The following TTYH1 variants were observed in gnomAD, a reference collection of about 807,000 sequenced individuals.
The protein encoded by TTYH1 is tweety family member 1, also known as protein tweety homolog 1.
A neutral mutation model predicts 61.2 loss-of-function variants in TTYH1; 33 were observed. The ratio of observed to expected loss-of-function variants is 0.54; its 90% CI spans 0.41 to 0.72. The LOEUF (loss-of-function observed/expected upper bound fraction) is 0.72, where lower values mean the gene tolerates loss of function less well. Among genes scored for constraint, TTYH1 ranks in the 30% least tolerant of loss-of-function variants. TTYH1 has a pLI of 0.00. For missense variants in TTYH1, 538 were observed against 575.8 expected, an observed-to-expected ratio of 0.93 and a Z score of 0.67; for synonymous variants, 308 against 266.4, an observed-to-expected ratio of 1.16 and a Z score of -1.52.
In TTYH1 at chr19:54,436,428, C is replaced by T. The variant is rs1371248744; in HGVS notation, c.*138C>T. 2 of 1,586,848 alleles carry T rather than the reference C, an allele frequency of 1.3e-6. No homozygotes were observed. Among genetic ancestry groups the T allele is most frequent in the Non-Finnish European group, 1.7e-6 (2 of 1,155,838 alleles). On this transcript the variant is annotated 3_prime_UTR_variant, in exon 14 of 14. Transcript: ENST00000376530. This position sits in a 1 kb window ranked among gnomAD's most constrained non-coding sequence, Gnocchi z 4.3. ...GCCATGGACAGCCTGCACAGGACCG[C>T]CTCCCTGCTCTTGGCCACTGTGCTC... is the stretch of plus-strand genomic sequence containing the variant.
intron 4 of TTYH1, among the ~76,000 whole-genome samples, chr19:54,425,264 T>C (rs2083301246): frequency 6.6e-6 from 1 of 151,998 alleles, no homozygotes; most frequent in Admixed American, 6.5e-5. Flanking sequence ...ACAGCAGTGG[T>C]GGACGGCGAG....
At chr19:54,430,258 G>A (rs911000424) in intron 7 of TTYH1, among the ~76,000 whole-genome samples, 2 of 152,236 alleles carry the variant, frequency 1.3e-5, no homozygotes, top group African/African-American at 4.8e-5. Context: ...AGGGTCAGGA[G>A]AGGGTGCTCC....
rs764442000 is a variant in TTYH1, at chr19:54,419,236, G to A, written c.235G>A (p.Gly79Arg). The part of the protein sequence containing the change: ...FCCCRPPEPP[G>R]SKIPSPGGGC... ...CTGCTGCCGGCCCCCCGAGCCCCCC[G>A]GGTCCAAGATCCCCTCGCCCGGGGG... The change falls in exon 2 of 14, where the codon GGG (glycine) becomes AGG (arginine). Residue 79 changes from glycine to arginine, a missense_variant. Physicochemically the swap from Gly to Arg is moderately radical, Grantham distance 125. Coordinates refer to ENST00000376530, the MANE Select transcript of TTYH1 (RefSeq NM_020659.4). The surrounding 1 kb of genome is among the most constrained non-coding windows in gnomAD (Gnocchi z 6.1). 98 of 1,609,316 alleles carry A rather than the reference G, an allele frequency of 6.1e-5. No individual in the cohort carries two copies. The highest frequency in any genetic ancestry group is 3.4e-4 in the South Asian group (31 of 91,072).
chr19:54,423,329 C>T (rs1219786021), intron 4 of TTYH1, among the ~76,000 whole-genome samples: 1 of 151,918 alleles, frequency 6.6e-6, no homozygotes, highest in African/African-American at 2.4e-5. Flanking sequence ...TCCCAAGTAG[C>T]TGGCATTACA....
rs1256969401 is a variant in TTYH1 at position 54,420,646 on chromosome 19, C to T, written c.306-631C>T. 1 of 166,566 alleles carries T rather than the reference C, an allele frequency of 6.0e-6. No individual in the cohort carries two copies. Among genetic ancestry groups the T allele is most frequent in the Non-Finnish European group, 1.5e-5 (1 of 68,756 alleles). 10.3% of individuals were successfully genotyped at this position (166,566 alleles called of 1,614,324 possible). A position where few individuals can be genotyped will look rare whatever the true frequency, so the allele number is the denominator to read the frequency against. On this transcript the variant is annotated intron_variant, in intron 2 of 13. Coordinates refer to ENST00000376530, the MANE Select transcript of TTYH1 (RefSeq NM_020659.4). The surrounding 1 kb of genome is among the most constrained non-coding windows in gnomAD (Gnocchi z 4.8). ...GTGGGGGCGGGGGCACGGCTTCTCG[C>T]CCATCCTCCAGCCTCCCTCCCACAT... is the stretch of plus-strand genomic sequence containing the variant.
intron 10 of TTYH1, chr19:54,431,696 T>G (rs1353917227): frequency 5.7e-6 from 1 of 174,618 alleles, no homozygotes; most frequent in Non-Finnish European, 1.2e-5. Context: ...CCCTGCGGCT[T>G]GTGCTGTTCA....
chr19:54,435,116 GC>G (rs2083514785), intron 10 of TTYH1: 1 of 168,088 alleles, frequency 5.9e-6, no homozygotes, highest in Admixed American at 5.9e-5. Flanking sequence ...TGCAGGAGGT[GC>G]CGCTGCCGGG....
rs758683862 is a variant in TTYH1 at position 54,429,840 on chromosome 19, G to C, written c.808-42G>C. On this transcript the variant is annotated intron_variant, in intron 6 of 13. Transcript: ENST00000376530. The surrounding 1 kb of genome is among the most constrained non-coding windows in gnomAD (Gnocchi z 5.1). ...GGGTGCTGTGGGAGTGTGGAATCGG[G>C]GCAGTTTTGGGTTTGAGCCCCTTTT... is the stretch of plus-strand genomic sequence containing the variant. 1 of 1,578,294 alleles carries C rather than the reference G, an allele frequency of 6.3e-7. No individual in the cohort carries two copies. Among genetic ancestry groups the C allele is most frequent in the East Asian group, 2.2e-5 (1 of 44,672 alleles).
chr19:54,420,180 C>T lies in TTYH1; in HGVS notation c.305+874C>T, dbSNP rs1324444403. ...ACGAGCTCTGAGCACAGCCCCCTCC[C>T]CGGCAGGGCAGCACCCACAGGTTGC... is the stretch of plus-strand genomic sequence containing the variant. On this transcript the variant is annotated intron_variant, in intron 2 of 13. Coordinates refer to ENST00000376530, the MANE Select transcript of TTYH1 (RefSeq NM_020659.4). The surrounding 1 kb of genome is among the most constrained non-coding windows in gnomAD (Gnocchi z 4.8). Among the ~76,000 whole-genome samples, 6 of 152,204 alleles carry T rather than the reference C, an allele frequency of 3.9e-5. No individual in the cohort carries two copies. Among genetic ancestry groups the T allele is most frequent in the African/African-American group, 7.2e-5 (3 of 41,454 alleles).
rs530873428 is a variant in TTYH1, at chr19:54,417,487, C to G, written c.127-1641C>G. Among the ~76,000 whole-genome samples, 5 of 152,126 alleles carry G rather than the reference C, an allele frequency of 3.3e-5. No individual in the cohort carries two copies. In the South Asian group the frequency reaches 1.0e-3, roughly 32 times the overall value. Reference sequence around the variant, plus strand: ...CCCACATACAACACACGCATATAGACACATGCATACACTCACATGGATATA... The same window carrying G: ...CCCACATACAACACACGCATATAGAGACATGCATACACTCACATGGATATA... On this transcript the variant is annotated intron_variant, in intron 1 of 13. Coordinates refer to ENST00000376530, the MANE Select transcript of TTYH1 (RefSeq NM_020659.4).
At chr19:54,430,116 C>T (rs1269718162) in intron 7 of TTYH1, among the ~76,000 whole-genome samples, 159 bp downstream of exon 7, 1 of 152,154 alleles carries the variant, frequency 6.6e-6, no homozygotes, top group Non-Finnish European at 1.5e-5. Flanking sequence ...CCTGGCCACT[C>T]CCCAGCTCGG....
At chr19:54,417,253 T>G (rs1360840408) in intron 1 of TTYH1, among the ~76,000 whole-genome samples, 1 of 145,974 alleles carries the variant, frequency 6.9e-6, no homozygotes, top group Non-Finnish European at 1.5e-5. Context: ...CACACACATA[T>G]GCACAGGCAC....
rs2083550061 is a variant in TTYH1, at chr19:54,436,254, G to T, written c.*43-79G>T. 2 of 1,607,998 alleles carry T rather than the reference G, an allele frequency of 1.2e-6. No homozygotes were observed. The highest frequency in any genetic ancestry group is 1.7e-6 in the Non-Finnish European group (2 of 1,175,034). On this transcript the variant is annotated intron_variant, in intron 13 of 13. Coordinates refer to ENST00000376530, the MANE Select transcript of TTYH1 (RefSeq NM_020659.4). The surrounding 1 kb of genome is among the most constrained non-coding windows in gnomAD (Gnocchi z 4.3). ...CTCCGAGCTGCTCCAGGCATGGGCT[G>T]CGTGCCTCCTGCTGGGTGGATCGCA...
intron 1 of TTYH1, among the ~76,000 whole-genome samples, chr19:54,417,813 TACAC>T (rs754903665): frequency 1.2e-3 from 177 of 151,886 alleles, no homozygotes; most frequent in Middle Eastern, 3.4e-3. Context: ...TCCACACTGT[TACAC>T]ACACACAACC....
chr19:54,421,069 C>T lies in TTYH1; in HGVS notation c.306-208C>T, dbSNP rs972078797. 2.0e-5 allele frequency among the ~76,000 whole-genome samples: 3 copies of T among 152,134 alleles called. No homozygotes were observed. The highest frequency in any genetic ancestry group is 2.9e-5 in the Non-Finnish European group (2 of 67,998). Reference sequence around the variant, plus strand: ...CATTAACATCACAATGACGTCCCTCCGCTGGGGGAGTGAGGCCTTCCCGTT... The same window carrying T: ...CATTAACATCACAATGACGTCCCTCTGCTGGGGGAGTGAGGCCTTCCCGTT... On this transcript the variant is annotated intron_variant, in intron 2 of 13. Transcript: ENST00000376530. The surrounding 1 kb of genome is among the most constrained non-coding windows in gnomAD (Gnocchi z 4.8).
At chr19:54,428,964 C>G (rs1193040505) in intron 5 of TTYH1, among the ~76,000 whole-genome samples, 1 of 152,182 alleles carries the variant, frequency 6.6e-6, no homozygotes, top group African/African-American at 2.4e-5. Context: ...AGAGGCTGAT[C>G]AGGCTGTGGG....
rs544485928 is a variant in TTYH1, at chr19:54,434,489, A to C, written c.1126-1053A>C. 2.0e-5 allele frequency: 3 copies of C among 152,004 alleles called. No individual in the cohort carries two copies. The East Asian group carries it at 5.8e-4, about 30-fold the overall frequency. 9.4% of individuals were successfully genotyped at this position (152,004 alleles called of 1,614,324 possible). A position where few individuals can be genotyped will look rare whatever the true frequency, so the allele number is the denominator to read the frequency against. ...CCATCCCTGCTAGTGGGGTTACCCG[A>C]CCTACCCCTGCCCTGCACTGACCCC... On this transcript the variant is annotated intron_variant, in intron 10 of 13. Coordinates refer to ENST00000376530, the MANE Select transcript of TTYH1 (RefSeq NM_020659.4). The surrounding 1 kb of genome is among the most constrained non-coding windows in gnomAD (Gnocchi z 4.3).
Position 54,436,626 on chromosome 19 carries a change from C to T in TTYH1, c.*336C>T. The T allele has an allele frequency of 1.7e-6, 1 of 577,136 alleles. No homozygotes were observed. The highest frequency in any genetic ancestry group is 3.1e-6 in the Non-Finnish European group (1 of 322,044). 35.8% of individuals were successfully genotyped at this position (577,136 alleles called of 1,614,324 possible). A position where few individuals can be genotyped will look rare whatever the true frequency, so the allele number is the denominator to read the frequency against. ...ATGAGTCCCCCTGCTGCCCCTGCCA[C>T]ATCCCAGTGGGCTCTGACCCCCTGA... On this transcript the variant is annotated 3_prime_UTR_variant, in exon 14 of 14. Transcript: ENST00000376530. This position sits in a 1 kb window ranked among gnomAD's most constrained non-coding sequence, Gnocchi z 4.3.
intron 5 of TTYH1, among the ~76,000 whole-genome samples, chr19:54,428,079 GTTTTTTTT>G (rs936820982): frequency 3.2e-5 from 2 of 62,460 alleles, no homozygotes; most frequent in African/African-American, 1.4e-4. Context: ...TCCCGGCTAA[GTTTTTTTT>G]TTTTTTTTTT....
Sources: allele counts gnomAD v4.1 joint callset (sites outside exome capture counted in the v4.1 genomes callset), GRCh38; gene constraint gnomAD v4.1.1; non-coding constraint Gnocchi (gnomAD v3.1); transcripts MANE v1.5; gene names NCBI Gene and HGNC (gene_info 2026-07-23, HGNC 2026-07-21).